BEND3: variants seen among roughly 807,000 people sequenced by gnomAD.
BEND3 encodes the protein BEN domain-containing protein 3.
A neutral mutation model predicts 60.1 loss-of-function variants in BEND3; 13 were observed. The observed-to-expected ratio is 0.22, with a 90% CI of 0.14 to 0.34. The LOEUF (loss-of-function observed/expected upper bound fraction) is 0.34. Ranked by LOEUF, BEND3 falls within the 10% of genes least tolerant of loss-of-function variation. The pLI is 1.00. For missense variants in BEND3, 896 were observed against 1,138.1 expected (o/e 0.79, Z 3.06); for synonymous variants, 497 against 491.5 (o/e 1.01, Z -0.15).
chr6:107,078,491 G>A (rs1775144574), intron 3 of BEND3, among the ~76,000 whole-genome samples: 1 of 149,714 alleles, frequency 6.7e-6, no homozygotes, highest in South Asian at 2.2e-4. Context: ...GAGTCTCACT[G>A]TCACCCAGGC....
chr6:107,110,305 G>C (rs1554238190), intron 1 of BEND3, among the ~76,000 whole-genome samples: 2 of 152,156 alleles, frequency 1.3e-5, no homozygotes, highest in Non-Finnish European at 2.9e-5. Context: ...TCTTAAAACA[G>C]CCCCTCTCCT....
rs1554231183 is a variant in BEND3 at position 107,068,506 on chromosome 6, G to T, written c.*198C>A. On this transcript the variant is annotated 3_prime_UTR_variant, in exon 4 of 4. Coordinates refer to ENST00000369042, the MANE Select transcript of BEND3 (RefSeq NM_001367314.1). The surrounding 1 kb of genome is among the most constrained non-coding windows in gnomAD (Gnocchi z 5.8). ...GGGGCACATAGGACAGAAGTTGTAA[G>T]TACAAGAGACCAAACTCAAGGCTTC... The T allele has an allele frequency of 1.6e-6, 1 of 635,916 alleles. No individual in the cohort carries two copies. The highest frequency in any genetic ancestry group is 1.8e-5 in the African/African-American group (1 of 54,372). The allele number at this position is 635,916 out of a possible 1,614,324, so 39.4% of individuals were successfully genotyped here.
At position 107,067,268 on chromosome 6, in the gene BEND3, T is replaced by A. The variant is rs1264133522; in HGVS notation, c.*1436A>T. The stretch of plus-strand genomic sequence containing the variant: ...GGGGTTCTATGACTACCCTGTGTGA[T>A]TCAATAAATTTTCCAGGACTCTGGT... On this transcript the variant is annotated 3_prime_UTR_variant, in exon 4 of 4. Transcript: ENST00000369042. 2.0e-5 allele frequency: 3 copies of A among 152,204 alleles called. No individual in the cohort carries two copies. The highest frequency in any genetic ancestry group is 1.3e-4 in the Admixed American group (2 of 15,276). The allele number at this position is 152,204 out of a possible 1,614,324, so 9.4% of individuals were successfully genotyped here.
chr6:107,091,426 G>A (rs1554235212), intron 3 of BEND3, among the ~76,000 whole-genome samples: 1 of 152,158 alleles, frequency 6.6e-6, no homozygotes, highest in East Asian at 1.9e-4. Flanking sequence ...AGCAGGCTAA[G>A]TTAGAGAGAG....
At chr6:107,077,515 C>T (rs1015565806) in intron 3 of BEND3, among the ~76,000 whole-genome samples, 4 of 152,148 alleles carry the variant, frequency 2.6e-5, no homozygotes, top group Admixed American at 1.3e-4. Context: ...GTGGGTCATC[C>T]TTCTGCTGCC....
intron 3 of BEND3, among the ~76,000 whole-genome samples, chr6:107,080,447 C>T (rs1775209082): frequency 6.6e-6 from 1 of 151,398 alleles, no homozygotes; most frequent in Admixed American, 6.6e-5. Flanking sequence ...CCCCACCCTA[C>T]TCCAGTCACC....
At chr6:107,100,571 C>T (rs1775683377) in intron 1 of BEND3, among the ~76,000 whole-genome samples, 1 of 152,084 alleles carries the variant, frequency 6.6e-6, no homozygotes, top group African/African-American at 2.4e-5. Context: ...CCAGCCTAAG[C>T]TTCATTAGAA....
rs782178159 is a variant in BEND3, at chr6:107,069,960, C to G, written c.1231G>C (p.Ala411Pro). 6.2e-7 allele frequency: 1 copy of G among 1,613,724 alleles called. No individual in the cohort carries two copies. Residue 411 changes from alanine to proline, a missense_variant, in exon 4 of 4, where the codon GCC becomes CCC. Transcript: ENST00000369042. Reference protein sequence around the residue: ...LDEASSPGEFAVFLLHRLFPE... With the variant: ...LDEASSPGEFPVFLLHRLFPE... ...AAGAGCCGGTGGAGGAGGAAGACGG[C>G]AAACTCGCCTGGTGAGGAGGCTTCG...
intron 1 of BEND3, among the ~76,000 whole-genome samples, chr6:107,112,196 A>T (rs1665901): frequency 0.34 from 51,436 of 151,910 alleles, 8,949 homozygotes; most frequent in African/African-American, 0.37. Context: ...GTTTCCAGGG[A>T]CTTTCTAGGC....
intron 1 of BEND3, among the ~76,000 whole-genome samples, chr6:107,110,444 G>A (rs1281188538): frequency 1.3e-5 from 2 of 152,154 alleles, no homozygotes; most frequent in Non-Finnish European, 2.9e-5. Flanking sequence ...AAGAAATACT[G>A]ACGTATCAGA....
rs147812569 is a variant in BEND3 at position 107,112,629 on chromosome 6, G to A, written c.-12+2461C>T. ...AGCACTTTGGGAGGCCGAAGCTGGCGAATGACCTGAGGTCGGGAGTTCGAG... is the reference window on the plus strand; with the variant it reads ...AGCACTTTGGGAGGCCGAAGCTGGCAAATGACCTGAGGTCGGGAGTTCGAG... On this transcript the variant is annotated intron_variant, in intron 1 of 3. Transcript: ENST00000369042. 7.0e-4 allele frequency among the ~76,000 whole-genome samples: 106 copies of A among 152,226 alleles called. No individual in the cohort carries two copies. The East Asian group carries it at 0.014, about 21-fold the overall frequency.
chr6:107,080,865 CAG>C (rs782210477), intron 3 of BEND3, among the ~76,000 whole-genome samples: 36 of 151,898 alleles, frequency 2.4e-4, no homozygotes, highest in Non-Finnish European at 4.9e-4. Context: ...GCCTGGGTGA[CAG>C]AGAGAGATTC....
At chr6:107,076,029 T>G (rs1186608617) in intron 3 of BEND3, among the ~76,000 whole-genome samples, 1 of 152,216 alleles carries the variant, frequency 6.6e-6, no homozygotes, top group Non-Finnish European at 1.5e-5. Flanking sequence ...AAAATGTTAG[T>G]GTCCCAGTAG....
Position 107,069,306 on chromosome 6 carries a change from G to A in BEND3, c.1885C>T (p.Arg629Cys), listed in dbSNP as rs1554231419. 5 of 1,613,284 alleles carry A rather than the reference G, an allele frequency of 3.1e-6. No individual in the cohort carries two copies. The highest frequency in any genetic ancestry group is 1.7e-5 in the Admixed American group (1 of 59,978). Residue 629 changes from arginine to cysteine, a missense_variant, in exon 4 of 4, where the codon CGC becomes TGC. This residue lies in a region of BEND3 where 846 missense variants were observed against 1,036.7 expected (regional missense o/e 0.82). Coordinates refer to ENST00000369042, the MANE Select transcript of BEND3 (RefSeq NM_001367314.1). ...QLLYPRAKND[R>C]VWTLEFVGKL... is the part of the protein sequence containing the mutation. Reference sequence around the variant, plus strand: ...CCCACGAACTCCAGGGTCCAGACGCGGTCGTTTTTGGCGCGTGGGTAGAGC... The same window carrying A: ...CCCACGAACTCCAGGGTCCAGACGCAGTCGTTTTTGGCGCGTGGGTAGAGC...
rs781852720 is a variant in BEND3 at position 107,070,403 on chromosome 6, C to A, written c.788G>T (p.Gly263Val). ...CAGCAAGCGGCAGGCCAGGTCCCCC[C>A]CTGACAGGCTCTGGTCCACGATCTG... is the stretch of plus-strand genomic sequence containing the variant. ...LKQIVDQSLS[G>V]GDLACRLLVQ... is the part of the protein sequence containing the mutation. Residue 263 changes from glycine (G) to valine (V), a missense_variant, in exon 4 of 4, where the codon GGG becomes GTG. Physicochemically the swap from Gly to Val is moderately radical, Grantham distance 109. Coordinates refer to ENST00000369042, the MANE Select transcript of BEND3 (RefSeq NM_001367314.1). This position sits in a 1 kb window ranked among gnomAD's most constrained non-coding sequence, Gnocchi z 6.9. 6.2e-6 allele frequency: 10 copies of A among 1,613,812 alleles called. No homozygotes were observed. The highest frequency in any genetic ancestry group is 2.2e-5 in the East Asian group (1 of 44,886).
intron 3 of BEND3, among the ~76,000 whole-genome samples, chr6:107,077,859 C>A (rs1775132616): frequency 6.6e-6 from 1 of 152,108 alleles, no homozygotes; most frequent in Non-Finnish European, 1.5e-5. Flanking sequence ...GTGTTCTGTG[C>A]ATTTGCACTG....
chr6:107,077,707 A>T (rs1255857205), intron 3 of BEND3, among the ~76,000 whole-genome samples: 1 of 152,154 alleles, frequency 6.6e-6, no homozygotes, highest in East Asian at 1.9e-4. Context: ...ATGATGTTTG[A>T]GTGCCCAGTT....
Position 107,068,806 on chromosome 6 carries a change from C to T in BEND3, c.2385G>A (p.Glu795=). ...EAVYPVEKME[E]VWHYECIPSI... is the part of the protein sequence containing the mutation. Reference sequence around the variant, plus strand: ...TGGGGATACATTCGTAGTGCCACACCTCCTCCATCTTCTCCACCGGGTAGA... The same window carrying T: ...TGGGGATACATTCGTAGTGCCACACTTCCTCCATCTTCTCCACCGGGTAGA... Residue 795 remains glutamate, a synonymous_variant, in exon 4 of 4, where the codon GAG becomes GAA. Transcript: ENST00000369042. The surrounding 1 kb of genome is among the most constrained non-coding windows in gnomAD (Gnocchi z 5.8). The T allele has an allele frequency of 6.2e-7, 1 of 1,614,144 alleles. No individual in the cohort carries two copies. The highest frequency in any genetic ancestry group is 8.5e-7 in the Non-Finnish European group (1 of 1,180,052).
At chr6:107,086,377 G>A (rs1775347819) in intron 3 of BEND3, among the ~76,000 whole-genome samples, 1 of 152,190 alleles carries the variant, frequency 6.6e-6, no homozygotes, top group East Asian at 1.9e-4. Context: ...AGCACCCCAG[G>A]AGGCCGAGGT....
Sources: gnomAD v4.1 joint callset for allele counts (sites outside exome capture counted in the v4.1 genomes callset) on GRCh38, gnomAD v4.1.1 for gene constraint, gnomAD v4.1.1 regional missense constraint, Gnocchi (gnomAD v3.1) non-coding constraint, MANE v1.5 for transcripts, NCBI Gene and HGNC (gene_info 2026-07-23, HGNC 2026-07-21) for gene names.